The following ABL1 variants were observed in gnomAD, a reference collection of about 807,000 sequenced individuals.
ABL1 encodes ABL proto-oncogene 1, non-receptor tyrosine kinase, also known as tyrosine-protein kinase ABL1.
Under a neutral mutation model 94.7 loss-of-function variants are expected in ABL1, and 11 were observed. The ratio of observed to expected loss-of-function variants is 0.12; its 90% CI spans 0.07 to 0.19. The LOEUF is 0.19. ABL1 is among the 10% of genes least tolerant of loss of function. The pLI is 1.00. For missense variants in ABL1, 1,082 were observed against 1,489.4 expected (o/e 0.73, Z 4.50); for synonymous variants, 656 against 622.4 (o/e 1.05, Z -0.80).
chr9:130,777,560 C>T (rs1226122754), intron 1 of ABL1, among the ~76,000 whole-genome samples: 1 of 128,322 alleles, frequency 7.8e-6, no homozygotes, highest in Non-Finnish European at 1.7e-5. Context: ...TGCATTGGTA[C>T]TTTCTAGACT....
chr9:130,816,056 C>T (rs1190236224), intron 1 of ABL1, among the ~76,000 whole-genome samples: 2 of 152,118 alleles, frequency 1.3e-5, no homozygotes, highest in South Asian at 2.1e-4. Context: ...GCACCAGAGC[C>T]CTGGCAGTCA....
At chr9:130,743,433 C>T (rs1318437489) in intron 1 of ABL1, among the ~76,000 whole-genome samples, 1 of 152,134 alleles carries the variant, frequency 6.6e-6, no homozygotes, top group Non-Finnish European at 1.5e-5. Context: ...CCAGTGATTC[C>T]CCACCTCCTG....
At position 130,735,961 on chromosome 9, in the gene ABL1, A is replaced by ATATATTT. The variant is rs573602038; in HGVS notation, c.136+21507_136+21508insATATTTT. Among the ~76,000 whole-genome samples the ATATATTT allele has an allele frequency of 1.7e-3, 164 of 94,826 alleles. 1 individual carries two copies. The highest frequency in any genetic ancestry group is 9.4e-3 in the African/African-American group (148 of 15,666). The allele number at this position is 94,826 out of a possible 152,430, so 62.2% of individuals were successfully genotyped here. A position where few individuals can be genotyped will look rare whatever the true frequency, so the allele number is the denominator to read the frequency against. ...TATATATATATATATATATATATAT[A>ATATATTT]TTTTTTTTTTTTAAGACAGGGTCTG... On this transcript the variant is annotated intron_variant, in intron 1 of 10. Transcript: ENST00000372348.
At chr9:130,853,204 C>G (rs1358466318) in intron 1 of ABL1, among the ~76,000 whole-genome samples, 2 of 104,712 alleles carry the variant, frequency 1.9e-5, no homozygotes, top group Non-Finnish European at 3.4e-5. Flanking sequence ...GAGATGGAGT[C>G]TCACTCTGTC....
At chr9:130,787,978 T>A (rs1829853383) in intron 1 of ABL1, among the ~76,000 whole-genome samples, 1 of 143,070 alleles carries the variant, frequency 7.0e-6, no homozygotes. Context: ...TATCTGGCTT[T>A]TTCTTTTTGT....
chr9:130,743,272 C>T (rs1213951003), intron 1 of ABL1, among the ~76,000 whole-genome samples: 1 of 152,094 alleles, frequency 6.6e-6, no homozygotes, highest in Admixed American at 6.6e-5. Context: ...GGGGTTTTGC[C>T]GTGTTAGCCA....
rs2133035676 is a variant in ABL1, at chr9:130,884,348, G to A, written c.2058G>A (p.Leu686=). Residue 686 remains leucine (L), a synonymous_variant, in exon 11 of 11, where the codon CTG becomes CTA. Transcript: ENST00000318560. This position sits in a 1 kb window ranked among gnomAD's most constrained non-coding sequence, Gnocchi z 5.6. ...SGGSGFRSPH[L]WKKSSTLTSS... is the part of the protein sequence containing the mutation. Reference sequence around the variant, plus strand: ...GCTCAGGCTTCCGGTCTCCCCACCTGTGGAAGAAGTCCAGCACGCTGACCA... The same window carrying A: ...GCTCAGGCTTCCGGTCTCCCCACCTATGGAAGAAGTCCAGCACGCTGACCA... 3 of 1,612,180 alleles carry A rather than the reference G, an allele frequency of 1.9e-6. No homozygotes were observed. The highest frequency in any genetic ancestry group is 2.5e-6 in the Non-Finnish European group (3 of 1,179,768).
intron 1 of ABL1, among the ~76,000 whole-genome samples, chr9:130,786,241 G>T (rs891161991): frequency 6.6e-6 from 1 of 152,180 alleles, no homozygotes; most frequent in African/African-American, 2.4e-5. Flanking sequence ...CTGGGGCAGA[G>T]GGCCGTCCCT....
chr9:130,883,852 A>G (rs1831509708), intron 10 of ABL1, 117 bp from the exon 11 acceptor site: 6 of 1,282,138 alleles, frequency 4.7e-6, no homozygotes, highest in Non-Finnish European at 6.4e-6. Flanking sequence ...ATGGAGTCTC[A>G]CTCTGTCTCC....
At chr9:130,719,687 A>G (rs553732352) in intron 1 of ABL1, among the ~76,000 whole-genome samples, 59 of 152,210 alleles carry the variant, frequency 3.9e-4, no homozygotes, top group Non-Finnish European at 7.2e-4. Context: ...AGGGAATACC[A>G]TGTTATTTTG....
At position 130,854,937 on chromosome 9, in the gene ABL1, G is replaced by C. The variant is rs746147456; in HGVS notation, c.390G>C (p.Gly130=). The change falls in exon 3 of 11, where the codon GGG becomes GGC. Residue 130 remains glycine, a synonymous_variant. Transcript: ENST00000318560. The part of the protein sequence containing the change: ...NSLEKHSWYH[G]PVSRNAAEYL... Reference sequence around the variant, plus strand: ...TGGAGAAACACTCCTGGTACCATGGGCCTGTGTCCCGCAATGCCGCTGAGT... The same window carrying C: ...TGGAGAAACACTCCTGGTACCATGGCCCTGTGTCCCGCAATGCCGCTGAGT... 42 of 1,614,228 alleles carry C rather than the reference G, an allele frequency of 2.6e-5. No homozygotes were observed. The East Asian group carries it at 9.1e-4, about 35-fold the overall frequency.
chr9:130,783,176 G>A (rs1564288800), intron 1 of ABL1, among the ~76,000 whole-genome samples: 1 of 152,246 alleles, frequency 6.6e-6, no homozygotes, highest in African/African-American at 2.4e-5. Context: ...TAGATGGCCT[G>A]TGGAGTTATT....
Position 130,872,384 on chromosome 9 carries a change from C to T in ABL1, c.907+171C>T, listed in dbSNP as rs886633782. ...GAGGCCTGTATGGGATGGGTGTGTG[C>T]GTGTGTGCACATATGCACATGTATG... On this transcript the variant is annotated intron_variant, in intron 5 of 10. Coordinates refer to ENST00000318560, the MANE Select transcript of ABL1 (RefSeq NM_005157.6). The surrounding 1 kb of genome is among the most constrained non-coding windows in gnomAD (Gnocchi z 5.0). Among the ~76,000 whole-genome samples the T allele has an allele frequency of 2.0e-5, 3 of 152,156 alleles. No individual in the cohort carries two copies. The highest frequency in any genetic ancestry group is 4.8e-5 in the African/African-American group (2 of 41,438).
chr9:130,841,153 CT>C (rs1035500345), intron 1 of ABL1, among the ~76,000 whole-genome samples: 56 of 145,662 alleles, frequency 3.8e-4, no homozygotes, highest in Middle Eastern at 3.6e-3. Context: ...AATCTCATTT[CT>C]TTTTTTTTTT....
At chr9:130,833,854 T>A (rs762151272), upstream of ABL1, among the ~76,000 whole-genome samples, 7 of 152,212 alleles carry the variant, frequency 4.6e-5, no homozygotes, top group Non-Finnish European at 1.0e-4. Context: ...CGGGTTTTTG[T>A]CATTACAGGA....
rs1433608338 is a variant in ABL1 at position 130,859,673 on chromosome 9, TTTCC to T, written c.550-3087_550-3084del. On this transcript the variant is annotated intron_variant, in intron 3 of 10. Coordinates refer to ENST00000318560, the MANE Select transcript of ABL1 (RefSeq NM_005157.6). ...AAAGAAACGCTGTTTCTTTTCTTTCTTTCCTTTTTTTTTTTTTTTTTTTTTTTTT... is the reference window on the plus strand; with the variant it reads ...AAAGAAACGCTGTTTCTTTTCTTTCTTTTTTTTTTTTTTTTTTTTTTTTTT... Among the ~76,000 whole-genome samples the T allele has an allele frequency of 3.2e-4, 35 of 111,108 alleles. 7 individuals are homozygous for T. Among genetic ancestry groups the T allele is most frequent in the African/African-American group, 1.9e-3 (32 of 17,270 alleles). The allele number at this position is 111,108 out of a possible 152,430, so 72.9% of individuals were successfully genotyped here.
At chr9:130,866,897 A>AAACTCCTGGCTCAAGCAGTCCTCC (rs1831166232) in intron 4 of ABL1, among the ~76,000 whole-genome samples, 1 of 152,216 alleles carries the variant, frequency 6.6e-6, no homozygotes, top group Non-Finnish European at 1.5e-5. Context: ...AGCTGGCCTC[A>AAACTCCTGGCTCAAGCAGTCCTCC]AACTCCTGGC....
rs373567749 is a variant in ABL1, at chr9:130,885,333, A to G, written c.3043A>G (p.Thr1015Ala). The change falls in exon 11 of 11, where the codon ACC becomes GCC. Residue 1015 changes from threonine to alanine, a missense_variant. Thr to Ala is a moderately conservative substitution (Grantham distance 58, BLOSUM62 0). Transcript: ENST00000318560. ...ATCAACCCGAGTGTCTCTTCGGAAA[A>G]CCCGCCAGCCTCCAGAGCGGATCGC... is the stretch of plus-strand genomic sequence containing the variant. The part of the protein sequence containing the change: ...LISTRVSLRK[T>A]RQPPERIASG... The G allele has an allele frequency of 6.2e-7, 1 of 1,611,222 alleles. No individual in the cohort carries two copies. The highest frequency in any genetic ancestry group is 1.3e-5 in the African/African-American group (1 of 74,802).
intron 1 of ABL1, among the ~76,000 whole-genome samples, chr9:130,751,184 C>T (rs1237435086): frequency 5.3e-5 from 6 of 114,004 alleles, no homozygotes; most frequent in Non-Finnish European, 8.1e-5. Flanking sequence ...CTCTGTTGCC[C>T]AGGCTGGAGT....
Sources: allele counts gnomAD v4.1 joint callset (sites outside exome capture counted in the v4.1 genomes callset), GRCh38; gene constraint gnomAD v4.1.1; non-coding constraint Gnocchi (gnomAD v3.1); transcripts MANE v1.5; gene names NCBI Gene and HGNC (gene_info 2026-07-23, HGNC 2026-07-21).